The following MEMO1 variants were observed in gnomAD, a reference collection of about 807,000 sequenced individuals.
MEMO1 encodes the protein protein MEMO1.
In MEMO1, 6 loss-of-function variants were observed where a neutral mutation model predicts 45.2. The ratio of observed to expected loss-of-function variants is 0.13; its 90% CI spans 0.07 to 0.26. The LOEUF (loss-of-function observed/expected upper bound fraction) is 0.26, where lower values mean the gene tolerates loss of function less well. Among genes scored for constraint, MEMO1 ranks in the 10% least tolerant of loss-of-function variants. The pLI, the probability that MEMO1 is intolerant of heterozygous loss-of-function variation, is 1.00. For missense variants in MEMO1, 184 were observed against 370.5 expected, an observed-to-expected ratio of 0.50 and a Z score of 4.13; for synonymous variants, 78 against 124.3, an observed-to-expected ratio of 0.63 and a Z score of 2.48.
chr2:31,903,545 CTG>C (rs2148060468), intron 6 of MEMO1, among the ~76,000 whole-genome samples: 1 of 152,232 alleles, frequency 6.6e-6, no homozygotes, highest in African/African-American at 2.4e-5. Context: ...GTCATAGAAA[CTG>C]AAACTATTCC....
chr2:31,874,151 C>T (rs1414900420), intron 8 of MEMO1, among the ~76,000 whole-genome samples: 1 of 152,010 alleles, frequency 6.6e-6, no homozygotes, highest in Non-Finnish European at 1.5e-5. Context: ...TTGCCAATGT[C>T]CATAATGAAA....
At chr2:31,894,715 AT>A (rs1479520996) in intron 6 of MEMO1, among the ~76,000 whole-genome samples, 1 of 152,196 alleles carries the variant, frequency 6.6e-6, no homozygotes, top group Non-Finnish European at 1.5e-5. Context: ...CTAACAGAAA[AT>A]TTGGGTACGT....
At chr2:31,993,488 G>A (rs758623917) in intron 2 of MEMO1, among the ~76,000 whole-genome samples, 2 of 152,140 alleles carry the variant, frequency 1.3e-5, no homozygotes, top group African/African-American at 2.4e-5. Context: ...CACAGACCTG[G>A]GTGGGATCAC....
intron 2 of MEMO1, among the ~76,000 whole-genome samples, chr2:31,964,169 A>C (rs1034728257): frequency 6.6e-6 from 1 of 152,202 alleles, no homozygotes; most frequent in Non-Finnish European, 1.5e-5. Flanking sequence ...AACGTTGAAC[A>C]CCATCGCAGC....
chr2:31,883,525 G>A (rs1675716224), intron 7 of MEMO1, 63 bp from the exon 8 acceptor site: 1 of 1,198,866 alleles, frequency 8.3e-7, no homozygotes, highest in African/African-American at 1.6e-5. Context: ...AAGAAAGCAA[G>A]CGCTTACCAA....
At chr2:31,964,451 C>A (rs960412105) in intron 2 of MEMO1, among the ~76,000 whole-genome samples, 1 of 152,154 alleles carries the variant, frequency 6.6e-6, no homozygotes, top group Non-Finnish European at 1.5e-5. Flanking sequence ...AATTCCAGAA[C>A]TTTGGGAGGC....
At chr2:31,980,462 TTTTTTA>T (rs1342629234) in intron 2 of MEMO1, among the ~76,000 whole-genome samples, 1 of 152,142 alleles carries the variant, frequency 6.6e-6, no homozygotes, top group Non-Finnish European at 1.5e-5. Flanking sequence ...TTTTTAGATT[TTTTTTA>T]TTTTTAAGTC....
At chr2:31,893,877 C>A (rs568084226) in intron 6 of MEMO1, among the ~76,000 whole-genome samples, 2 of 152,196 alleles carry the variant, frequency 1.3e-5, no homozygotes, top group Admixed American at 1.3e-4. Flanking sequence ...GTATAAAATT[C>A]TATCCTCTGT....
intron 6 of MEMO1, among the ~76,000 whole-genome samples, chr2:31,915,345 C>T (rs981086268): frequency 4.6e-5 from 7 of 152,100 alleles, no homozygotes; most frequent in East Asian, 1.9e-4. Context: ...TCAGCAAAGA[C>T]GGCTGTCAAC....
rs160798 is a variant in MEMO1, at chr2:31,907,502, A to G, written c.437+10424T>C. 9.8e-3 allele frequency among the ~76,000 whole-genome samples: 1,495 copies of G among 152,264 alleles called. 22 individuals carry two copies. The highest frequency in any genetic ancestry group is 0.034 in the African/African-American group (1,393 of 41,560). On this transcript the variant is annotated intron_variant, in intron 6 of 9. Transcript: ENST00000404530. ...AAAAACAACCCAATTTTTATAAAAC[A>G]TAACTAGTAAGTCCGGGCACAGTGG...
chr2:31,956,054 A>G (rs2148385336), intron 2 of MEMO1, among the ~76,000 whole-genome samples: 1 of 152,342 alleles, frequency 6.6e-6, no homozygotes, highest in Middle Eastern at 3.4e-3. Flanking sequence ...ATAAAAAGCA[A>G]CCACCTCAAG....
intron 4 of MEMO1, among the ~76,000 whole-genome samples, chr2:31,928,786 T>C (rs1048316577): frequency 6.6e-6 from 1 of 152,172 alleles, no homozygotes; most frequent in African/African-American, 2.4e-5. Context: ...TAACCTCATA[T>C]AGTACATTCT....
chr2:31,891,799 C>A (rs913335912), intron 7 of MEMO1, among the ~76,000 whole-genome samples, 193 bp downstream of exon 7: 3 of 152,114 alleles, frequency 2.0e-5, no homozygotes, highest in African/African-American at 7.2e-5. Context: ...GAAATGTACC[C>A]ATAATCCACT....
intron 4 of MEMO1, chr2:31,923,798 T>C: frequency 6.7e-7 from 1 of 1,482,978 alleles, no homozygotes; most frequent in Non-Finnish European, 9.0e-7. Flanking sequence ...AAGGCATACA[T>C]AAATTTCCTA....
intron 6 of MEMO1, among the ~76,000 whole-genome samples, chr2:31,903,503 T>A (rs1482164263): frequency 6.6e-6 from 1 of 152,186 alleles, no homozygotes; most frequent in Non-Finnish European, 1.5e-5. Context: ...TTCTCAAATG[T>A]CTTTTGCTAC....
chr2:31,986,694 T>C (rs558240985), intron 2 of MEMO1, among the ~76,000 whole-genome samples: 6 of 152,282 alleles, frequency 3.9e-5, no homozygotes, highest in African/African-American at 1.4e-4. Context: ...GAGCATATAT[T>C]CTAAAGGAGA....
chr2:31,995,118 T>C (rs979007334), intron 2 of MEMO1, among the ~76,000 whole-genome samples: 2 of 152,004 alleles, frequency 1.3e-5, no homozygotes, highest in African/African-American at 2.4e-5. Flanking sequence ...TGTAGAAATA[T>C]TCAATATGCC....
intron 4 of MEMO1, among the ~76,000 whole-genome samples, chr2:31,926,521 AT>A (rs1192646170): frequency 2.0e-5 from 3 of 152,014 alleles, no homozygotes; most frequent in African/African-American, 4.8e-5. Flanking sequence ...AGAATTAATG[AT>A]TTTTTCTGAT....
chr2:31,878,981 C>T (rs1245979547), intron 8 of MEMO1, among the ~76,000 whole-genome samples: 1 of 152,114 alleles, frequency 6.6e-6, no homozygotes, highest in Non-Finnish European at 1.5e-5. Flanking sequence ...TCTCCAATAC[C>T]TCAAATTAGG....
Sources: gnomAD v4.1 joint callset for allele counts (sites outside exome capture counted in the v4.1 genomes callset) on GRCh38, gnomAD v4.1.1 for gene constraint, MANE v1.5 for transcripts, NCBI Gene and HGNC (gene_info 2026-07-23, HGNC 2026-07-21) for gene names.